Variants in TAOK3 observed in about 807,000 individuals in gnomAD.
The protein encoded by TAOK3 is serine/threonine-protein kinase TAO3.
A neutral mutation model predicts 120.4 loss-of-function variants in TAOK3; 40 were observed. The ratio of observed to expected loss-of-function variants is 0.33; its 90% CI spans 0.26 to 0.43. The LOEUF (loss-of-function observed/expected upper bound fraction) is 0.43, where lower values mean the gene tolerates loss of function less well. TAOK3 is among the 20% of genes least tolerant of loss of function. TAOK3 has a pLI of 1.00. For synonymous variants in TAOK3, 355 were observed against 387.5 expected, an observed-to-expected ratio of 0.92 and a Z score of 0.99; for missense variants, 821 against 1,112.1, an observed-to-expected ratio of 0.74 and a Z score of 3.72.
chr12:118,245,476 CCTGG>C (rs1314577942), intron 3 of TAOK3, among the ~76,000 whole-genome samples: 1 of 151,730 alleles, frequency 6.6e-6, no homozygotes, highest in Non-Finnish European at 1.5e-5. Context: ...CACCACCACA[CCTGG>C]CTAATTTTTA....
At chr12:118,307,564 A>T (rs2043096636) in intron 1 of TAOK3, among the ~76,000 whole-genome samples, 1 of 152,176 alleles carries the variant, frequency 6.6e-6, no homozygotes, top group South Asian at 2.1e-4. Flanking sequence ...GGGAAAAATG[A>T]GGCTGTGTAT....
intron 3 of TAOK3, among the ~76,000 whole-genome samples, 154 bp downstream of exon 3, chr12:118,255,294 G>A (rs2040931946): frequency 6.6e-6 from 1 of 151,998 alleles, no homozygotes; most frequent in Non-Finnish European, 1.5e-5. Context: ...TTAGTTTTTT[G>A]TAGAGACAGG....
intron 13 of TAOK3, chr12:118,190,244 T>C (rs2037358931): frequency 4.2e-6 from 1 of 237,822 alleles, no homozygotes; most frequent in Non-Finnish European, 8.2e-6. Context: ...ATGTACAGAC[T>C]CCTTAGAACA....
intron 1 of TAOK3, among the ~76,000 whole-genome samples, chr12:118,361,656 A>G (rs1339459911): frequency 1.3e-5 from 2 of 151,958 alleles, no homozygotes; most frequent in African/African-American, 2.4e-5. Flanking sequence ...CGGGGGTTTC[A>G]CCATGTTGGC....
At chr12:118,299,579 G>A (rs2042802615) in intron 1 of TAOK3, among the ~76,000 whole-genome samples, 1 of 151,950 alleles carries the variant, frequency 6.6e-6, no homozygotes, top group African/African-American at 2.4e-5. Context: ...GCTCGATCTC[G>A]GCTCACTGCA....
At chr12:118,166,802 A>ATG (rs143091392) in intron 17 of TAOK3, among the ~76,000 whole-genome samples, 6,871 of 140,676 alleles carry the variant, frequency 0.049, 272 homozygotes, top group East Asian at 0.19. Context: ...TACTCAATGT[A>ATG]TGTGTGTGTG....
At chr12:118,263,557 G>A (rs2041320306) in intron 2 of TAOK3, among the ~76,000 whole-genome samples, 3 of 152,148 alleles carry the variant, frequency 2.0e-5, no homozygotes, top group Admixed American at 2.0e-4. Context: ...AGACAAGCAA[G>A]ATATTGGGAG....
intron 1 of TAOK3, among the ~76,000 whole-genome samples, chr12:118,339,274 A>ATTTTT (rs2044502690): frequency 9.5e-6 from 1 of 104,920 alleles, no homozygotes; most frequent in African/African-American, 3.9e-5. Context: ...TCTTCATCAT[A>ATTTTT]CTTTTTTTTT....
intron 2 of TAOK3, among the ~76,000 whole-genome samples, chr12:118,260,553 C>T (rs751281607): frequency 6.6e-6 from 1 of 152,060 alleles, no homozygotes; most frequent in Non-Finnish European, 1.5e-5. Flanking sequence ...AATTAGTGGT[C>T]AAGGACATTA....
intron 1 of TAOK3, among the ~76,000 whole-genome samples, chr12:118,339,084 A>G (rs894722738): frequency 2.0e-5 from 3 of 152,078 alleles, no homozygotes; most frequent in Non-Finnish European, 4.4e-5. Context: ...ATGCTACAGG[A>G]AAGAGATTTG....
At chr12:118,322,718 CTTTTTTTT>C (rs199608892) in intron 1 of TAOK3, among the ~76,000 whole-genome samples, 3 of 93,836 alleles carry the variant, frequency 3.2e-5, no homozygotes, top group African/African-American at 1.4e-4. Context: ...ATTTAAAAAC[CTTTTTTTT>C]TTTTTTTTTT....
chr12:118,219,334 T>A lies in TAOK3; in HGVS notation c.644-5224A>T, dbSNP rs1460242071. On this transcript the variant is annotated intron_variant, in intron 9 of 20. Transcript: ENST00000392533. ...GTGGCGTGATCAGCTCATTGCAACC[T>A]CAAACTCATGGGCTCAAGTGATCCT... Among the ~76,000 whole-genome samples, 3 of 151,726 alleles carry A rather than the reference T, an allele frequency of 2.0e-5. No homozygotes were observed. In the East Asian group the frequency reaches 5.9e-4, roughly 30 times the overall value.
At chr12:118,197,400 A>G (rs1433319606) in intron 13 of TAOK3, among the ~76,000 whole-genome samples, 1 of 152,214 alleles carries the variant, frequency 6.6e-6, no homozygotes, top group Admixed American at 6.5e-5. Flanking sequence ...AAGTATTGAA[A>G]CACTCATATT....
chr12:118,152,482 C>A, intron 19 of TAOK3, 73 bp from the exon 20 acceptor site: 1 of 1,439,596 alleles, frequency 6.9e-7, no homozygotes, highest in Non-Finnish European at 9.3e-7. Context: ...CCCTTGGTGA[C>A]TACTGGAAGA....
chr12:118,229,866 G>T (rs1322236344), intron 9 of TAOK3, among the ~76,000 whole-genome samples: 1 of 152,128 alleles, frequency 6.6e-6, no homozygotes, highest in Non-Finnish European at 1.5e-5. Flanking sequence ...GGGAGGTGGA[G>T]GTTGCAGTGA....
intron 1 of TAOK3, among the ~76,000 whole-genome samples, chr12:118,310,931 C>T (rs957014706): frequency 6.6e-6 from 1 of 152,110 alleles, no homozygotes; most frequent in African/African-American, 2.4e-5. Context: ...TATTCCCCCA[C>T]AAATAATAGT....
intron 1 of TAOK3, among the ~76,000 whole-genome samples, chr12:118,269,189 T>A (rs1287596215): frequency 6.6e-6 from 1 of 151,604 alleles, no homozygotes. Flanking sequence ...TGAGACAGAG[T>A]CTGGCTCTGT....
At chr12:118,152,191 C>A (rs1203176289) in intron 20 of TAOK3, 36 bp downstream of exon 20, 2 of 1,591,108 alleles carry the variant, frequency 1.3e-6, no homozygotes, top group Non-Finnish European at 1.7e-6. Context: ...CCCCCTTCCA[C>A]CCAGTGGCAC....
At chr12:118,229,908 G>C (rs1425761167) in intron 9 of TAOK3, among the ~76,000 whole-genome samples, 1 of 152,020 alleles carries the variant, frequency 6.6e-6, no homozygotes. Flanking sequence ...TCTAGCCTGG[G>C]AGACAGAGCG....
Sources: gnomAD v4.1 joint callset for allele counts (sites outside exome capture counted in the v4.1 genomes callset) on GRCh38, gnomAD v4.1.1 for gene constraint, MANE v1.5 for transcripts, NCBI Gene and HGNC (gene_info 2026-07-23, HGNC 2026-07-21) for gene names.